The following WASL variants were observed in gnomAD, a reference collection of about 807,000 sequenced individuals.
The protein encoded by WASL is actin nucleation-promoting factor WASL.
Under a neutral mutation model 55.5 loss-of-function variants are expected in WASL, and 20 were observed. That is an observed-to-expected ratio of 0.36 (90% confidence interval 0.25 to 0.52). The LOEUF is 0.52. WASL is among the 20% of genes least tolerant of loss of function. The pLI, the probability that WASL is intolerant of heterozygous loss-of-function variation, is 0.92. For missense variants in WASL, 504 were observed against 622.5 expected (o/e 0.81, Z 2.03); for synonymous variants, 249 against 217.6 (o/e 1.14, Z -1.27).
chr7:123,706,409 A>G (rs1803669917), intron 3 of WASL, 36 bp from the exon 4 acceptor site: 1 of 1,566,490 alleles, frequency 6.4e-7, no homozygotes, highest in African/African-American at 1.4e-5. Flanking sequence ...AAACAACAGA[A>G]TGTATGAATT....
chr7:123,709,594 A>G (rs1803724126), intron 1 of WASL, among the ~76,000 whole-genome samples: 1 of 152,212 alleles, frequency 6.6e-6, no homozygotes, highest in Non-Finnish European at 1.5e-5. Flanking sequence ...AATACCACAC[A>G]GCTAAATGGC....
At chr7:123,730,301 T>A (rs936371501) in intron 1 of WASL, among the ~76,000 whole-genome samples, 2 of 152,094 alleles carry the variant, frequency 1.3e-5, no homozygotes, top group African/African-American at 4.8e-5. Context: ...TGGTGAATAA[T>A]TTTTTTCTTT....
intron 5 of WASL, among the ~76,000 whole-genome samples, chr7:123,699,162 G>A (rs1312965424): frequency 6.6e-6 from 1 of 152,190 alleles, no homozygotes; most frequent in Non-Finnish European, 1.5e-5. Context: ...AAGGCGGGCA[G>A]ATCATGAGGT....
Position 123,692,083 on chromosome 7 carries a change from G to A in WASL, c.1347+264C>T, listed in dbSNP as rs1034216209. 2.0e-5 allele frequency among the ~76,000 whole-genome samples: 3 copies of A among 152,146 alleles called. No homozygotes were observed. The East Asian group carries it at 5.8e-4, about 29-fold the overall frequency. ...TTTATGGAAAAATTAACTGGGAAGA[G>A]GTATGAGAAAACCTTCTGGGGTGAC... On this transcript the variant is annotated intron_variant, in intron 9 of 10. Transcript: ENST00000223023.
At chr7:123,688,904 A>G in intron 10 of WASL, 138 bp downstream of exon 10, 1 of 780,834 alleles carries the variant, frequency 1.3e-6, no homozygotes, top group Non-Finnish European at 2.1e-6. Context: ...AGCCCACATC[A>G]GTAGTTACTC....
At chr7:123,700,406 G>C (rs535338700) in intron 5 of WASL, among the ~76,000 whole-genome samples, 2 of 150,718 alleles carry the variant, frequency 1.3e-5, no homozygotes, top group African/African-American at 4.9e-5. Context: ...CTGATATCTT[G>C]GTTCCTAGTC....
At chr7:123,719,713 T>C (rs1803905331) in intron 1 of WASL, among the ~76,000 whole-genome samples, 1 of 152,210 alleles carries the variant, frequency 6.6e-6, no homozygotes, top group Admixed American at 6.5e-5. Context: ...AGCCTTTGTA[T>C]CCTGGCAGTC....
chr7:123,736,878 AC>A (rs1456578698), intron 1 of WASL, among the ~76,000 whole-genome samples: 1 of 152,222 alleles, frequency 6.6e-6, no homozygotes, highest in African/African-American at 2.4e-5. Flanking sequence ...TTAGAAAAAA[AC>A]ACTAAGCACA....
chr7:123,699,132 TC>T lies in WASL; in HGVS notation c.461-2386del, dbSNP rs1803537304. Among the ~76,000 whole-genome samples the T allele has an allele frequency of 2.0e-5, 3 of 152,198 alleles. No individual in the cohort carries two copies. The South Asian group carries it at 6.2e-4, about 31-fold the overall frequency. On this transcript the variant is annotated intron_variant, in intron 5 of 10. Coordinates refer to ENST00000223023, the MANE Select transcript of WASL (RefSeq NM_003941.4). ...CAGGCACAGTGGCTCACGCCTGTAA[TC>T]CCAGCACTTTGGAAGGCCAAGGCGG...
chr7:123,725,256 T>C (rs1379245264), intron 1 of WASL, among the ~76,000 whole-genome samples: 2 of 152,202 alleles, frequency 1.3e-5, no homozygotes, highest in African/African-American at 4.8e-5. Flanking sequence ...GTACACAAAC[T>C]GTATGTAAAT....
chr7:123,748,268 C>A (rs1168777406), intron 1 of WASL, among the ~76,000 whole-genome samples: 1 of 152,214 alleles, frequency 6.6e-6, no homozygotes, highest in East Asian at 2.0e-4. Flanking sequence ...GAACAAGGGC[C>A]CAGATTCTAG....
At chr7:123,745,845 T>C (rs1273636699) in intron 1 of WASL, among the ~76,000 whole-genome samples, 1 of 152,180 alleles carries the variant, frequency 6.6e-6, no homozygotes, top group Non-Finnish European at 1.5e-5. Flanking sequence ...AGCTGTTTCA[T>C]ACCTCTCATC....
Position 123,706,819 on chromosome 7 carries a change from T to G in WASL, c.260A>C (p.Lys87Thr). The change falls in exon 3 of 11, where the codon AAA (lysine) becomes ACA (threonine). Residue 87 changes from lysine to threonine, a missense_variant. Coordinates refer to ENST00000223023, the MANE Select transcript of WASL (RefSeq NM_003941.4). ...GTATAGCTCTTGTTCCCACAATAGT[T>G]TCCCATCCTAGAAAAAAGTTAAAAA... ...FLRIFDIKDG[K>T]LLWEQELYNN... 1 of 1,543,852 alleles carries G rather than the reference T, an allele frequency of 6.5e-7. No homozygotes were observed. The highest frequency in any genetic ancestry group is 8.7e-7 in the Non-Finnish European group (1 of 1,150,610).
At chr7:123,722,182 G>A (rs1468462264) in intron 1 of WASL, among the ~76,000 whole-genome samples, 1 of 152,134 alleles carries the variant, frequency 6.6e-6, no homozygotes, top group Non-Finnish European at 1.5e-5. Flanking sequence ...AATAATCACA[G>A]ATGTCTACCA....
At chr7:123,745,460 C>A (rs895281263) in intron 1 of WASL, among the ~76,000 whole-genome samples, 1 of 152,096 alleles carries the variant, frequency 6.6e-6, no homozygotes, top group African/African-American at 2.4e-5. Context: ...GAGAGAAATG[C>A]TGTACTAAAA....
chr7:123,736,477 T>C (rs985336815), intron 1 of WASL, among the ~76,000 whole-genome samples: 1 of 152,170 alleles, frequency 6.6e-6, no homozygotes, highest in African/African-American at 2.4e-5. Context: ...CATCATGGAA[T>C]TTATAACATT....
At chr7:123,729,215 T>C (rs1804100835) in intron 1 of WASL, among the ~76,000 whole-genome samples, 2 of 152,236 alleles carry the variant, frequency 1.3e-5, no homozygotes, top group South Asian at 2.1e-4. Context: ...ATTAAAATTC[T>C]ACCATTTCAA....
intron 1 of WASL, among the ~76,000 whole-genome samples, chr7:123,723,769 CCTG>C (rs1391431636): frequency 3.3e-5 from 5 of 152,174 alleles, no homozygotes; most frequent in African/African-American, 1.2e-4. Flanking sequence ...TTCCCAGCTT[CCTG>C]CTGTTCCTGA....
intron 1 of WASL, among the ~76,000 whole-genome samples, chr7:123,717,469 C>G (rs1803864987): frequency 6.6e-6 from 1 of 152,210 alleles, no homozygotes; most frequent in Non-Finnish European, 1.5e-5. Context: ...TAGCTCCTAG[C>G]AGTAATTTCC....
Sources: allele counts gnomAD v4.1 joint callset (sites outside exome capture counted in the v4.1 genomes callset), GRCh38; gene constraint gnomAD v4.1.1; transcripts MANE v1.5; gene names NCBI Gene and HGNC (gene_info 2026-07-23, HGNC 2026-07-21).